NRG1: variants seen among roughly 807,000 people sequenced by gnomAD.
The protein encoded by NRG1 is neuregulin 1, also known as pro-neuregulin-1, membrane-bound isoform.
A neutral mutation model predicts 63.8 loss-of-function variants in NRG1; 18 were observed. The observed-to-expected ratio is 0.28, with a 90% CI of 0.19 to 0.42. The LOEUF (loss-of-function observed/expected upper bound fraction) is 0.42, where lower values mean the gene tolerates loss of function less well. Among genes scored for constraint, NRG1 ranks in the 10% least tolerant of loss-of-function variants. The pLI is 1.00. For synonymous variants in NRG1, 302 were observed against 301.3 expected, an observed-to-expected ratio of 1.00 and a Z score of -0.02; for missense variants, 762 against 814.7, an observed-to-expected ratio of 0.94 and a Z score of 0.79.
At chr8:31,898,599 G>A (rs549558715) in intron 1 of NRG1, among the ~76,000 whole-genome samples, 1 of 152,136 alleles carries the variant, frequency 6.6e-6, no homozygotes, top group Non-Finnish European at 1.5e-5. Flanking sequence ...AGCTACTTGG[G>A]ATACTGAGGT....
At chr8:32,202,136 T>C (rs935437347) in intron 1 of NRG1, among the ~76,000 whole-genome samples, 1 of 152,224 alleles carries the variant, frequency 6.6e-6, no homozygotes, top group African/African-American at 2.4e-5. Context: ...ATTTTATTTT[T>C]ATTTATAATA....
intron 6 of NRG1, among the ~76,000 whole-genome samples, chr8:32,732,943 G>T (rs1184409866): frequency 6.6e-6 from 1 of 151,788 alleles, no homozygotes; most frequent in Non-Finnish European, 1.5e-5. Context: ...AAGTAGCTGG[G>T]ATTACAGACA....
chr8:32,392,491 C>T (rs1278888578), intron 1 of NRG1, among the ~76,000 whole-genome samples: 1 of 152,168 alleles, frequency 6.6e-6, no homozygotes, highest in Admixed American at 6.5e-5. Flanking sequence ...CCATGTTCCT[C>T]CTAAATGAAG....
intron 1 of NRG1, among the ~76,000 whole-genome samples, chr8:32,540,837 A>G (rs767600785): frequency 2.9e-4 from 44 of 152,068 alleles, no homozygotes; most frequent in African/African-American, 1.0e-3. Flanking sequence ...AGCCAACCCA[A>G]TCTTTATGAT....
intron 1 of NRG1, among the ~76,000 whole-genome samples, chr8:32,143,517 A>G (rs1041431524): frequency 2.0e-5 from 3 of 152,204 alleles, no homozygotes; most frequent in Non-Finnish European, 2.9e-5. Context: ...CTGAACATGT[A>G]TCCAGCTCTC....
intron 1 of NRG1, among the ~76,000 whole-genome samples, chr8:32,462,341 T>C (rs1822418947): frequency 6.6e-6 from 1 of 152,088 alleles, no homozygotes; most frequent in Admixed American, 6.6e-5. Flanking sequence ...ATAAAAGTGA[T>C]TTCAGGTTAC....
chr8:32,536,670 C>T (rs1275941438), intron 1 of NRG1, among the ~76,000 whole-genome samples: 1 of 151,968 alleles, frequency 6.6e-6, no homozygotes, highest in Non-Finnish European at 1.5e-5. Context: ...TGCCTGTAAT[C>T]CCAGCACTTT....
intron 1 of NRG1, among the ~76,000 whole-genome samples, chr8:31,665,191 G>C (rs996039890): frequency 2.0e-5 from 3 of 152,156 alleles, no homozygotes; most frequent in Non-Finnish European, 4.4e-5. Context: ...TCCCATTTTA[G>C]AGTAAGGAAG....
At chr8:31,840,471 C>T (rs1199570007) in intron 1 of NRG1, among the ~76,000 whole-genome samples, 2 of 151,112 alleles carry the variant, frequency 1.3e-5, no homozygotes, top group Non-Finnish European at 2.9e-5. Flanking sequence ...GACTGCATTC[C>T]ACCTGGACCC....
At chr8:32,281,925 T>A (rs991879096) in intron 1 of NRG1, among the ~76,000 whole-genome samples, 2 of 152,344 alleles carry the variant, frequency 1.3e-5, no homozygotes, top group South Asian at 4.1e-4. Context: ...AGTGTTTAAC[T>A]CATCAATTTC....
At chr8:32,267,234 A>T (rs1383459778) in intron 1 of NRG1, among the ~76,000 whole-genome samples, 2 of 152,174 alleles carry the variant, frequency 1.3e-5, no homozygotes, top group Non-Finnish European at 2.9e-5. Context: ...TCCATTACAC[A>T]CTGTAATGTA....
At chr8:31,701,321 C>T (rs970813495) in intron 1 of NRG1, among the ~76,000 whole-genome samples, 1 of 152,214 alleles carries the variant, frequency 6.6e-6, no homozygotes. Context: ...ACTGTGTGAA[C>T]ATTTCTCACT....
At chr8:32,496,407 C>A (rs1008003308) in intron 1 of NRG1, among the ~76,000 whole-genome samples, 2 of 151,980 alleles carry the variant, frequency 1.3e-5, no homozygotes, top group African/African-American at 4.8e-5. Flanking sequence ...TAGAGTGGGA[C>A]CCCCATTTCT....
At chr8:32,114,336 C>T (rs190249211) in intron 1 of NRG1, among the ~76,000 whole-genome samples, 6 of 152,292 alleles carry the variant, frequency 3.9e-5, no homozygotes, top group East Asian at 1.9e-4. Context: ...GGAAGTGATG[C>T]GATAAAACAG....
intron 1 of NRG1, among the ~76,000 whole-genome samples, chr8:32,043,652 A>C (rs1398509985): frequency 6.6e-6 from 1 of 151,996 alleles, no homozygotes; most frequent in South Asian, 2.1e-4. Context: ...AATATCTACT[A>C]TAATATAAAA....
At chr8:32,601,140 G>A (rs1404402288) in intron 2 of NRG1, among the ~76,000 whole-genome samples, 1 of 152,152 alleles carries the variant, frequency 6.6e-6, no homozygotes, top group African/African-American at 2.4e-5. Context: ...TCAGAGGGAT[G>A]TTTATGCTCC....
intron 1 of NRG1, among the ~76,000 whole-genome samples, chr8:32,434,295 G>A (rs1427266211): frequency 6.6e-6 from 1 of 152,104 alleles, no homozygotes; most frequent in Non-Finnish European, 1.5e-5. Context: ...TTGTATATAT[G>A]TTATTTATTC....
At chr8:32,764,184 C>G (rs754554043) in exon 12 of NRG1, 14 of 1,614,098 alleles carry the variant, frequency 8.7e-6, no homozygotes, top group Middle Eastern at 1.7e-4. Flanking sequence ...CACAAGCTCC[C>G]AGAGCAGTAA....
chr8:32,356,791 A>G (rs1215815345), intron 1 of NRG1, among the ~76,000 whole-genome samples: 1 of 152,170 alleles, frequency 6.6e-6, no homozygotes, highest in Non-Finnish European at 1.5e-5. Context: ...CATTGATCTC[A>G]TTTGTCTTCA....
Sources: gnomAD v4.1 joint callset for allele counts (sites outside exome capture counted in the v4.1 genomes callset) on GRCh38, gnomAD v4.1.1 for gene constraint, MANE v1.5 for transcripts, NCBI Gene and HGNC (gene_info 2026-07-23, HGNC 2026-07-21) for gene names.